The following RIMBP2 variants were observed in gnomAD, a reference collection of about 807,000 sequenced individuals.
RIMBP2 encodes the protein RIMS binding protein 2.
In RIMBP2, 48 loss-of-function variants were observed where a neutral mutation model predicts 118.6. That is an observed-to-expected ratio of 0.40 (90% CI 0.32 to 0.51). The LOEUF (loss-of-function observed/expected upper bound fraction) is 0.51, where lower values mean the gene tolerates loss of function less well. RIMBP2 is among the 20% of genes least tolerant of loss of function. RIMBP2 has a pLI of 0.41. For synonymous variants in RIMBP2, 762 were observed against 742.9 expected (o/e 1.03, Z -0.42); for missense variants, 1,551 against 1,768.3 (o/e 0.88, Z 2.20).
rs979901630 is a variant in RIMBP2, at chr12:130,581,902, C to T, written c.-217+46420G>A. Among the ~76,000 whole-genome samples, 2 of 152,124 alleles carry T rather than the reference C, an allele frequency of 1.3e-5. No homozygotes were observed. The highest frequency in any genetic ancestry group is 6.5e-5 in the Admixed American group (1 of 15,276). ...CCATCTCAGAGTTAAACCAAAGGCC[C>T]GAAAGGCTCTGCATGACCTGGCCTC... On this transcript the variant is annotated intron_variant, in intron 2 of 22. Coordinates refer to ENST00000690449, the MANE Select transcript of RIMBP2 (RefSeq NM_001393629.1). This position sits in a 1 kb window ranked among gnomAD's most constrained non-coding sequence, Gnocchi z 4.4.
In RIMBP2 at chr12:130,414,481, A is replaced by G. The variant is rs575470233; in HGVS notation, c.3239-175T>C. 3.2e-4 allele frequency: 186 copies of G among 586,682 alleles called. 5 individuals are homozygous for G. The South Asian group carries it at 4.0e-3, about 13-fold the overall frequency. 36.3% of individuals were successfully genotyped at this position (586,682 alleles called of 1,614,324 possible). A position where few individuals can be genotyped will look rare whatever the true frequency, so the allele number is the denominator to read the frequency against. ...GGGAGGTCTAGGTCAGATGAATTGGAGAAGCACATAACCACAGCCACACTC... is the reference window on the plus strand; with the variant it reads ...GGGAGGTCTAGGTCAGATGAATTGGGGAAGCACATAACCACAGCCACACTC... On this transcript the variant is annotated intron_variant, in intron 17 of 22. Coordinates refer to ENST00000690449, the MANE Select transcript of RIMBP2 (RefSeq NM_001393629.1).
rs550459362 is a variant in RIMBP2 at position 130,475,266 on chromosome 12, CAGG to C, written c.102+3643_102+3645del. Among the ~76,000 whole-genome samples, 1 of 152,218 alleles carries C rather than the reference CAGG, an allele frequency of 6.6e-6. No homozygotes were observed. The highest frequency in any genetic ancestry group is 1.5e-5 in the Non-Finnish European group (1 of 68,044). On this transcript the variant is annotated intron_variant, in intron 5 of 22. Transcript: ENST00000690449. The surrounding 1 kb of genome is among the most constrained non-coding windows in gnomAD (Gnocchi z 4.1). ...TGCTTCTCCCGACCGCCATGCAGGG[CAGG>C]AGGACAGGTGGAGCTGCCTGGGAGA...
chr12:130,592,448 TG>T (rs2059326401), intron 2 of RIMBP2, among the ~76,000 whole-genome samples: 1 of 152,092 alleles, frequency 6.6e-6, no homozygotes, highest in African/African-American at 2.4e-5. Context: ...CCCAGCACTC[TG>T]GGAGGCTGAG....
At position 130,623,807 on chromosome 12, in the gene RIMBP2, A is replaced by C. The variant is rs936305055; in HGVS notation, c.-217+4515T>G. ...TCAGCCAAGTGAAGAGTGCTGGTGG[A>C]TAAATACCCCAGCTCCCTCATCCCT... On this transcript the variant is annotated intron_variant, in intron 2 of 22. Coordinates refer to ENST00000690449, the MANE Select transcript of RIMBP2 (RefSeq NM_001393629.1). The surrounding 1 kb of genome is among the most constrained non-coding windows in gnomAD (Gnocchi z 4.1). 6.6e-6 allele frequency among the ~76,000 whole-genome samples: 1 copy of C among 152,172 alleles called. No homozygotes were observed. Among genetic ancestry groups the C allele is most frequent in the African/African-American group, 2.4e-5 (1 of 41,436 alleles).
chr12:130,430,537 CT>C (rs1300024680), intron 14 of RIMBP2: 3 of 151,722 alleles, frequency 2.0e-5, no homozygotes, highest in Admixed American at 2.0e-4. Context: ...AGGGTACAGA[CT>C]TTCGGTTACA....
intron 1 of RIMBP2, among the ~76,000 whole-genome samples, chr12:130,655,486 C>T (rs886687231): frequency 2.6e-5 from 4 of 152,178 alleles, no homozygotes; most frequent in African/African-American, 9.6e-5. Flanking sequence ...GTCAGAGAAA[C>T]ACCAGCAGTG....
chr12:130,514,514 T>TC (rs1403237296), intron 3 of RIMBP2, among the ~76,000 whole-genome samples: 1 of 151,670 alleles, frequency 6.6e-6, no homozygotes, highest in Admixed American at 6.6e-5. Context: ...AGCACCCCCA[T>TC]CCCCCCACAG....
chr12:130,428,298 T>C lies in RIMBP2; in HGVS notation c.2293A>G (p.Ser765Gly). Residue 765 changes from serine to glycine, a missense_variant, in exon 15 of 23, where the codon AGC becomes GGC. Ser to Gly is a moderately conservative substitution (Grantham distance 56, BLOSUM62 0). Coordinates refer to ENST00000690449, the MANE Select transcript of RIMBP2 (RefSeq NM_001393629.1). The part of the protein sequence containing the change: ...CHGDEYHTES[S>G]RGSDLSDIME... The stretch of plus-strand genomic sequence containing the variant: ...ATGTCTGAGAGGTCAGACCCCCGGC[T>C]GCTCTCTGTGTGGTACTCGTCTCCA... 1.2e-6 allele frequency: 2 copies of C among 1,612,824 alleles called. No individual in the cohort carries two copies. The highest frequency in any genetic ancestry group is 1.7e-6 in the Non-Finnish European group (2 of 1,179,410).
At chr12:130,399,314 G>A (rs2074302879) in intron 22 of RIMBP2, among the ~76,000 whole-genome samples, 1 of 152,146 alleles carries the variant, frequency 6.6e-6, no homozygotes, top group African/African-American at 2.4e-5. Flanking sequence ...GGATCCTTGT[G>A]AAGAGACTAA....
rs56091840 is a variant in RIMBP2 at position 130,536,875 on chromosome 12, T to A, written c.-216-18958A>T. ...AGTCACAATGATACCGTGAAGCCCC[T>A]GATATGGCATGATGGGGAGGACACT... On this transcript the variant is annotated intron_variant, in intron 2 of 22. Coordinates refer to ENST00000690449, the MANE Select transcript of RIMBP2 (RefSeq NM_001393629.1). Among the ~76,000 whole-genome samples the A allele has an allele frequency of 4.3e-3, 651 of 152,264 alleles. 6 individuals carry two copies. Among genetic ancestry groups the A allele is most frequent in the African/African-American group, 0.015 (633 of 41,546 alleles).
intron 2 of RIMBP2, among the ~76,000 whole-genome samples, chr12:130,552,240 A>AG (rs897589938): frequency 6.6e-6 from 1 of 152,202 alleles, no homozygotes; most frequent in Non-Finnish European, 1.5e-5. Context: ...CAGCCAGAGT[A>AG]GGGGGTAGAG....
intron 1 of RIMBP2, among the ~76,000 whole-genome samples, chr12:130,702,556 G>GAAGA (rs2065906784): frequency 1.3e-5 from 1 of 79,578 alleles, no homozygotes; most frequent in South Asian, 5.5e-4. Flanking sequence ...AAGAAGGAAG[G>GAAGA]AAGGAAGGAA....
intron 2 of RIMBP2, among the ~76,000 whole-genome samples, chr12:130,564,271 T>C (rs1040602685): frequency 2.6e-5 from 4 of 152,198 alleles, no homozygotes; most frequent in Admixed American, 2.6e-4. Flanking sequence ...GACCACCTTT[T>C]ACAACTTCTC....
At chr12:130,506,245 A>T (rs1254892997) in intron 4 of RIMBP2, among the ~76,000 whole-genome samples, 1 of 152,112 alleles carries the variant, frequency 6.6e-6, no homozygotes, top group Non-Finnish European at 1.5e-5. Flanking sequence ...GTTCTGGTTT[A>T]GCTATCCTCT....
rs2076328400 is a variant in RIMBP2, at chr12:130,420,181, C to T, written c.3238+2272G>A. Among the ~76,000 whole-genome samples the T allele has an allele frequency of 6.6e-6, 1 of 152,312 alleles. No homozygotes were observed. The highest frequency in any genetic ancestry group is 2.4e-5 in the African/African-American group (1 of 41,562). On this transcript the variant is annotated intron_variant, in intron 17 of 22. Transcript: ENST00000690449. This position sits in a 1 kb window ranked among gnomAD's most constrained non-coding sequence, Gnocchi z 4.3. ...TTCCCAAAGCTCTTTGCCGAGTCCT[C>T]CTCCTCCTCAGGTGGGTGATAAGCA...
intron 7 of RIMBP2, among the ~76,000 whole-genome samples, chr12:130,451,947 G>C (rs995341633): frequency 1.3e-5 from 2 of 152,182 alleles, no homozygotes; most frequent in African/African-American, 4.8e-5. Flanking sequence ...AAATACTCTT[G>C]ACGAGAGATT....
chr12:130,620,833 C>T lies in RIMBP2; in HGVS notation c.-217+7489G>A, dbSNP rs1436603566. Among the ~76,000 whole-genome samples the T allele has an allele frequency of 1.3e-5, 2 of 152,184 alleles. No individual in the cohort carries two copies. The highest frequency in any genetic ancestry group is 2.4e-5 in the African/African-American group (1 of 41,450). On this transcript the variant is annotated intron_variant, in intron 2 of 22. Coordinates refer to ENST00000690449, the MANE Select transcript of RIMBP2 (RefSeq NM_001393629.1). The surrounding 1 kb of genome is among the most constrained non-coding windows in gnomAD (Gnocchi z 5.3). ...CATTTTGAGGGGGCTGGGCCTCCAA[C>T]ATTCTTTTTGTAGGGAACACCCCTC...
chr12:130,543,974 T>C (rs1361683535), intron 2 of RIMBP2, among the ~76,000 whole-genome samples: 1 of 152,204 alleles, frequency 6.6e-6, no homozygotes, highest in Non-Finnish European at 1.5e-5. Context: ...TTTTAACCTG[T>C]TTTTGTTTTC....
Position 130,428,280 on chromosome 12 carries a change from A to C in RIMBP2, c.2311T>G (p.Ser771Ala). Residue 771 changes from serine (S) to alanine (A), a missense_variant, in exon 15 of 23, where the codon TCA becomes GCA. Coordinates refer to ENST00000690449, the MANE Select transcript of RIMBP2 (RefSeq NM_001393629.1). ...TCCTCGTCCTCCTCCATGATGTCTG[A>C]GAGGTCAGACCCCCGGCTGCTCTCT... ...HTESSRGSDL[S>A]DIMEEDEEEL... is the part of the protein sequence containing the mutation. The C allele has an allele frequency of 6.2e-7, 1 of 1,613,342 alleles. No homozygotes were observed. The highest frequency in any genetic ancestry group is 1.3e-5 in the African/African-American group (1 of 75,016).
Sources: gnomAD v4.1 joint callset for allele counts (sites outside exome capture counted in the v4.1 genomes callset) on GRCh38, gnomAD v4.1.1 for gene constraint, Gnocchi (gnomAD v3.1) non-coding constraint, MANE v1.5 for transcripts, NCBI Gene and HGNC (gene_info 2026-07-23, HGNC 2026-07-21) for gene names.